The following KREMEN1 variants were observed in gnomAD, a reference collection of about 807,000 sequenced individuals.
The protein encoded by KREMEN1 is kringle containing transmembrane protein 1, also known as kremen protein 1.
In KREMEN1, 30 loss-of-function variants were observed where a neutral mutation model predicts 46.5. The observed-to-expected ratio is 0.65, with a 90% CI of 0.48 to 0.88. The LOEUF is 0.88. Among genes scored for constraint, KREMEN1 ranks in the 40% least tolerant of loss-of-function variants. KREMEN1 has a pLI of 0.00. For missense variants in KREMEN1, 533 were observed against 596.9 expected, an observed-to-expected ratio of 0.89 and a Z score of 1.11; for synonymous variants, 214 against 230.6, an observed-to-expected ratio of 0.93 and a Z score of 0.65.
At chr22:29,134,707 G>T (rs755530695) in intron 5 of KREMEN1, among the ~76,000 whole-genome samples, 2 of 152,090 alleles carry the variant, frequency 1.3e-5, no homozygotes, top group Non-Finnish European at 2.9e-5. Flanking sequence ...TCTATCAGAA[G>T]TTGAGCTAGG....
chr22:29,167,371 G>A, exon 10 of KREMEN1: 1 of 481,894 alleles, frequency 2.1e-6, no homozygotes. Context: ...AGAATAGAAA[G>A]AAAGAAAGAG....
At chr22:29,158,171 G>T (rs2145873016) in intron 9 of KREMEN1, among the ~76,000 whole-genome samples, 1 of 152,342 alleles carries the variant, frequency 6.6e-6, no homozygotes, top group Non-Finnish European at 1.5e-5. Context: ...CCCAGTGTGA[G>T]AAACACGGGT....
rs2145853987 is a variant in KREMEN1, at chr22:29,142,172, C to T, written c.*60C>T. The T allele has an allele frequency of 6.7e-7, 1 of 1,481,726 alleles. No individual in the cohort carries two copies. Among genetic ancestry groups the T allele is most frequent in the Non-Finnish European group, 9.0e-7 (1 of 1,116,524 alleles). 91.8% of individuals were successfully genotyped at this position (1,481,726 alleles called of 1,614,324 possible). A position where few individuals can be genotyped will look rare whatever the true frequency, so the allele number is the denominator to read the frequency against. ...TTGAGCTCAAGGCTGCCGTGGTCAA[C>T]CTCTCCTGTGGTTCTTCTCTGACAG... is the stretch of plus-strand genomic sequence containing the variant. On this transcript the variant is annotated 3_prime_UTR_variant, in exon 9 of 9. Coordinates refer to ENST00000400335, the MANE Select transcript of KREMEN1 (RefSeq NM_001039570.3).
intron 9 of KREMEN1, among the ~76,000 whole-genome samples, chr22:29,156,868 C>T (rs2038967115): frequency 6.6e-6 from 1 of 152,230 alleles, no homozygotes; most frequent in African/African-American, 2.4e-5. Context: ...CCAGCAACCC[C>T]ATGAGGTAGG....
intron 3 of KREMEN1, among the ~76,000 whole-genome samples, chr22:29,109,892 G>C (rs1035076372): frequency 8.5e-5 from 13 of 152,154 alleles, no homozygotes; most frequent in Admixed American, 7.2e-4. Context: ...GAATATGTAA[G>C]GGATAAAACA....
intron 3 of KREMEN1, among the ~76,000 whole-genome samples, chr22:29,117,402 C>T (rs1408403837): frequency 1.3e-5 from 2 of 151,998 alleles, no homozygotes; most frequent in Non-Finnish European, 2.9e-5. Flanking sequence ...CCTGTCTGTA[C>T]TAAAAATACA....
chr22:29,081,327 C>G (rs576675328), intron 1 of KREMEN1, among the ~76,000 whole-genome samples: 6 of 152,258 alleles, frequency 3.9e-5, no homozygotes, highest in Admixed American at 2.0e-4. Flanking sequence ...TTTTTATTCT[C>G]TCTAGAGTAC....
chr22:29,102,533 A>G (rs2037993610), intron 3 of KREMEN1, among the ~76,000 whole-genome samples: 1 of 152,152 alleles, frequency 6.6e-6, no homozygotes, highest in Non-Finnish European at 1.5e-5. Flanking sequence ...GGGAGTGGTA[A>G]AGAGGGGGTT....
intron 2 of KREMEN1, 152 bp downstream of exon 2, chr22:29,094,572 T>TACAC (rs134658): frequency 0.014 from 3,491 of 255,656 alleles, 103 homozygotes; most frequent in East Asian, 0.068. Flanking sequence ...TTTCACACCT[T>TACAC]ACACACACAC....
Position 29,144,079 on chromosome 22 carries a change from C to T in KREMEN1, c.*1967C>T. 1.0e-6 allele frequency: 1 copy of T among 985,558 alleles called. No individual in the cohort carries two copies. The highest frequency in any genetic ancestry group is 1.2e-6 in the Non-Finnish European group (1 of 830,016). The allele number at this position is 985,558 out of a possible 1,614,324, so 61.1% of individuals were successfully genotyped here. On this transcript the variant is annotated 3_prime_UTR_variant, in exon 9 of 9. Transcript: ENST00000400335. ...CTGAGAAAAGCAGCCTGTGCCTCTGCTGGCCAGGCCTAGGCCCTCGTCAGA... is the reference window on the plus strand; with the variant it reads ...CTGAGAAAAGCAGCCTGTGCCTCTGTTGGCCAGGCCTAGGCCCTCGTCAGA...
intron 9 of KREMEN1, among the ~76,000 whole-genome samples, chr22:29,163,615 G>C (rs2039030527): frequency 1.3e-5 from 2 of 152,074 alleles, no homozygotes; most frequent in Non-Finnish European, 1.5e-5. Context: ...GACCTCAAGT[G>C]ATCCACCCAC....
chr22:29,099,175 A>T, intron 3 of KREMEN1: 1 of 486,134 alleles, frequency 2.1e-6, no homozygotes, highest in Non-Finnish European at 3.7e-6. Flanking sequence ...TATTCCCTTG[A>T]TGGGTAAGCC....
At chr22:29,114,451 ACTCCAG>A (rs112065807) in intron 3 of KREMEN1, among the ~76,000 whole-genome samples, 2 of 138,958 alleles carry the variant, frequency 1.4e-5, no homozygotes, top group African/African-American at 5.6e-5. Context: ...ACACCATTGT[ACTCCAG>A]CCTGTGCAAC....
chr22:29,107,380 G>T (rs571778371), intron 3 of KREMEN1, among the ~76,000 whole-genome samples: 1 of 151,778 alleles, frequency 6.6e-6, no homozygotes, highest in South Asian at 2.1e-4. Context: ...CCACAACCGT[G>T]CCCAGCTAAT....
chr22:29,156,219 C>T (rs548182657), intron 9 of KREMEN1, among the ~76,000 whole-genome samples: 1 of 152,364 alleles, frequency 6.6e-6, no homozygotes, highest in Admixed American at 6.5e-5. Context: ...CTCCTGGAGA[C>T]ACCTCCCAGT....
intron 2 of KREMEN1, 152 bp downstream of exon 2, chr22:29,094,572 TAC>T (rs134658): frequency 0.041 from 10,456 of 255,414 alleles, 377 homozygotes; most frequent in Admixed American, 0.093. Context: ...TTTCACACCT[TAC>T]ACACACACAC....
chr22:29,143,929 A>G lies in KREMEN1; in HGVS notation c.*1817A>G. On this transcript the variant is annotated 3_prime_UTR_variant, in exon 9 of 9. Coordinates refer to ENST00000400335, the MANE Select transcript of KREMEN1 (RefSeq NM_001039570.3). The stretch of plus-strand genomic sequence containing the variant: ...AGAAGAGGGTGGGTTTGGGAATTGG[A>G]GCTCCTCCAAGGAGCTCCTCCTAAG... 1.0e-6 allele frequency: 1 copy of G among 985,248 alleles called. No homozygotes were observed. The highest frequency in any genetic ancestry group is 1.2e-6 in the Non-Finnish European group (1 of 829,848). 61.0% of individuals were successfully genotyped at this position (985,248 alleles called of 1,614,324 possible). A position where few individuals can be genotyped will look rare whatever the true frequency, so the allele number is the denominator to read the frequency against.
chr22:29,150,811 G>A (rs73397020), downstream of KREMEN1, among the ~76,000 whole-genome samples: 665 of 152,288 alleles, frequency 4.4e-3, no homozygotes, highest in African/African-American at 0.015. Flanking sequence ...TGTACCAGAC[G>A]CTGTGCCAAG....
chr22:29,076,843 ACT>A lies in KREMEN1; in HGVS notation c.97+3619_97+3620del, dbSNP rs2037580215. Among the ~76,000 whole-genome samples the A allele has an allele frequency of 2.0e-5, 3 of 152,256 alleles. No individual in the cohort carries two copies. In the South Asian group the frequency reaches 6.2e-4, roughly 32 times the overall value. ...CTCCAGCCTGGGCAATAAGAGCAAAACTCTGTTTCAAAATAAACAAATAAATA... is the reference window on the plus strand; with the variant it reads ...CTCCAGCCTGGGCAATAAGAGCAAAACTGTTTCAAAATAAACAAATAAATA... On this transcript the variant is annotated intron_variant, in intron 1 of 8. Coordinates refer to ENST00000400335, the MANE Select transcript of KREMEN1 (RefSeq NM_001039570.3).
Sources: gnomAD v4.1 joint callset for allele counts (sites outside exome capture counted in the v4.1 genomes callset) on GRCh38, gnomAD v4.1.1 for gene constraint, MANE v1.5 for transcripts, NCBI Gene and HGNC (gene_info 2026-07-23, HGNC 2026-07-21) for gene names.